The following CAST variants were observed in gnomAD, a reference collection of about 807,000 sequenced individuals.
CAST encodes calpastatin.
In CAST, 76 loss-of-function variants were observed where a neutral mutation model predicts 119.6. That is an observed-to-expected ratio of 0.64 (90% CI 0.53 to 0.77). The LOEUF is 0.77. Ranked by LOEUF, CAST falls within the 30% of genes least tolerant of loss-of-function variation. The pLI is 0.00. For synonymous variants in CAST, 319 were observed against 331.6 expected, an observed-to-expected ratio of 0.96 and a Z score of 0.41; for missense variants, 953 against 946.5, an observed-to-expected ratio of 1.01 and a Z score of -0.09.
At chr5:96,672,564 G>A (rs962875388) in intron 1 of CAST, among the ~76,000 whole-genome samples, 7 of 151,980 alleles carry the variant, frequency 4.6e-5, no homozygotes, top group South Asian at 2.1e-4. Flanking sequence ...AAAATTAATC[G>A]GATGTGGTGG....
At chr5:96,349,139 AT>A in the CAST span, among the ~76,000 whole-genome samples, 1,951 of 89,616 alleles carry the variant, frequency 0.022, 89 homozygotes, top group African/African-American at 0.027. Context: ...CAAGGACACT[AT>A]TTTTTTTTTT....
At chr5:96,425,752 G>T in the CAST span, 4 of 842,732 alleles carry the variant, frequency 4.7e-6, no homozygotes, top group South Asian at 1.4e-5. Flanking sequence ...AATCCATGTT[G>T]CAAATGTAAC....
At chr5:96,219,035 T>G in the CAST span, among the ~76,000 whole-genome samples, 1 of 152,214 alleles carries the variant, frequency 6.6e-6, no homozygotes, top group African/African-American at 2.4e-5. Flanking sequence ...TGAAGCTGTG[T>G]GCAGAACAGC....
chr5:95,984,206 T>C, the CAST span, among the ~76,000 whole-genome samples: 19 of 152,348 alleles, frequency 1.2e-4, no homozygotes, highest in Admixed American at 9.2e-4. Flanking sequence ...GACCTACTTT[T>C]CACTGCTTGT....
chr5:96,564,295 C>T (rs941685596), intron 1 of CAST, among the ~76,000 whole-genome samples: 9 of 152,192 alleles, frequency 5.9e-5, no homozygotes, highest in African/African-American at 2.2e-4. Context: ...GGAATTACAA[C>T]AGATGAATCT....
chr5:96,535,676 C>T (rs1420101900), intron 1 of CAST, among the ~76,000 whole-genome samples: 4 of 149,792 alleles, frequency 2.7e-5, no homozygotes, highest in South Asian at 2.1e-4. Flanking sequence ...TGGGTTAACG[C>T]CATTCTCCTG....
chr5:96,470,943 T>C, the CAST span, among the ~76,000 whole-genome samples: 1 of 152,074 alleles, frequency 6.6e-6, no homozygotes, highest in African/African-American at 2.4e-5. Flanking sequence ...TCAGTGAAAC[T>C]GATAAAAATG....
At chr5:95,969,730 A>G in the CAST span, among the ~76,000 whole-genome samples, 1 of 152,180 alleles carries the variant, frequency 6.6e-6, no homozygotes, top group Non-Finnish European at 1.5e-5. Flanking sequence ...TTACTAGAAG[A>G]TAATATTATA....
At chr5:96,385,677 T>A in the CAST span, among the ~76,000 whole-genome samples, 1 of 152,140 alleles carries the variant, frequency 6.6e-6, no homozygotes, top group African/African-American at 2.4e-5. Context: ...GAATCTGCAG[T>A]AGATTCCTAT....
intron 16 of CAST, chr5:96,743,769 A>C: frequency 7.0e-7 from 1 of 1,421,176 alleles, no homozygotes; most frequent in Non-Finnish European, 9.8e-7. Flanking sequence ...GAAGAAGGGA[A>C]ACTTGATTAC....
the CAST span, among the ~76,000 whole-genome samples, chr5:96,354,646 A>T: frequency 6.6e-6 from 1 of 150,426 alleles, no homozygotes; most frequent in Non-Finnish European, 1.5e-5. Context: ...GTATATTTAC[A>T]CATGCTTATG....
the CAST span, among the ~76,000 whole-genome samples, chr5:96,093,985 C>T: frequency 5.3e-5 from 8 of 151,658 alleles, no homozygotes; most frequent in Non-Finnish European, 1.0e-4. Context: ...TCTTCCTGTC[C>T]TCATGTTTCA....
the CAST span, among the ~76,000 whole-genome samples, chr5:96,295,927 C>G: frequency 6.6e-6 from 1 of 152,132 alleles, no homozygotes; most frequent in African/African-American, 2.4e-5. Context: ...TTGAAAGACT[C>G]TGAGTTAACA....
At chr5:96,496,989 T>C in the CAST span, among the ~76,000 whole-genome samples, 4 of 151,114 alleles carry the variant, frequency 2.6e-5, no homozygotes, top group African/African-American at 9.7e-5. Flanking sequence ...TAGGTATATC[T>C]CCAAATGCTA....
the CAST span, among the ~76,000 whole-genome samples, chr5:96,035,067 AAG>A: frequency 4.5e-3 from 301 of 67,144 alleles, 1 homozygote; most frequent in African/African-American, 0.015. Context: ...ATATATATTT[AAG>A]TATATATATA....
At chr5:96,698,854 A>G (rs1753588265) in intron 3 of CAST, among the ~76,000 whole-genome samples, 1 of 152,208 alleles carries the variant, frequency 6.6e-6, no homozygotes, top group East Asian at 1.9e-4. Flanking sequence ...ATAATTTTAC[A>G]ATTATTAAGA....
chr5:96,030,822 A>G, the CAST span, among the ~76,000 whole-genome samples: 1 of 152,164 alleles, frequency 6.6e-6, no homozygotes, highest in Non-Finnish European at 1.5e-5. Flanking sequence ...CAAAAGGAGG[A>G]TTACTTGAGG....
At chr5:96,113,525 C>T in the CAST span, among the ~76,000 whole-genome samples, 57 of 152,296 alleles carry the variant, frequency 3.7e-4, no homozygotes, top group African/African-American at 1.3e-3. Flanking sequence ...AATATGATAG[C>T]TCAGAGAAAA....
At chr5:96,585,825 G>A (rs897746) in intron 1 of CAST, among the ~76,000 whole-genome samples, 22,532 of 152,152 alleles carry the variant, frequency 0.15, 2,373 homozygotes, top group East Asian at 0.33. Flanking sequence ...TTTTTGAAAA[G>A]ATATAGAGAC....
Sources: gnomAD v4.1 joint callset for allele counts (sites outside exome capture counted in the v4.1 genomes callset) on GRCh38, gnomAD v4.1.1 for gene constraint, MANE v1.5 for transcripts, NCBI Gene and HGNC (gene_info 2026-07-23, HGNC 2026-07-21) for gene names.